Variants in EPB41L4A observed in about 807,000 individuals in gnomAD.
The protein encoded by EPB41L4A is erythrocyte membrane protein band 4.1 like 4A.
A neutral mutation model predicts 108.6 loss-of-function variants in EPB41L4A; 100 were observed. That is an observed-to-expected ratio of 0.92 (90% confidence interval 0.78 to 1.09). EPB41L4A has a LOEUF of 1.09. Among genes scored for constraint, EPB41L4A ranks in the 50% least tolerant of loss-of-function variants. The pLI, the probability that EPB41L4A is intolerant of heterozygous loss-of-function variation, is 0.00. For missense variants in EPB41L4A, 1,030 were observed against 842.7 expected (o/e 1.22, Z -2.75); for synonymous variants, 319 against 289.0 (o/e 1.10, Z -1.05).
chr5:112,209,573 CTGAG>C (rs1388583986), intron 13 of EPB41L4A, among the ~76,000 whole-genome samples: 3 of 152,218 alleles, frequency 2.0e-5, no homozygotes, highest in Non-Finnish European at 4.4e-5. Flanking sequence ...ACAAGTCCCT[CTGAG>C]TTAGTCCATT....
At chr5:112,352,175 C>T (rs1758084432) in intron 1 of EPB41L4A, among the ~76,000 whole-genome samples, 1 of 152,096 alleles carries the variant, frequency 6.6e-6, no homozygotes, top group Admixed American at 6.5e-5. Flanking sequence ...ATTTTGGGTT[C>T]GGTTTGTTCT....
chr5:112,384,242 C>G (rs919934749), intron 1 of EPB41L4A, among the ~76,000 whole-genome samples: 1 of 152,080 alleles, frequency 6.6e-6, no homozygotes, highest in Non-Finnish European at 1.5e-5. Context: ...AGTGGGTAGA[C>G]TGATATGTGA....
chr5:112,364,641 C>G (rs1297135295), intron 1 of EPB41L4A, among the ~76,000 whole-genome samples: 2 of 152,130 alleles, frequency 1.3e-5, no homozygotes, highest in Non-Finnish European at 2.9e-5. Context: ...TCCCTCCTAT[C>G]AAATTAATGT....
Position 112,205,508 on chromosome 5 carries a change from T to C in EPB41L4A, c.1179-4A>G, listed in dbSNP as rs748146473. On this transcript the variant is annotated splice_region_variant and splice_polypyrimidine_tract_variant and intron_variant, in intron 13 of 22. Transcript: ENST00000261486. ...TTCATTCTTTGCTTTCTTAAAGCTT[T>C]AATTTTAAAAAAAAGTATGAGAAAT... 5.7e-6 allele frequency: 9 copies of C among 1,584,616 alleles called. No individual in the cohort carries two copies. Among genetic ancestry groups the C allele is most frequent in the African/African-American group, 2.7e-5 (2 of 73,314 alleles).
intron 16 of EPB41L4A, 51 bp from the exon 17 acceptor site, chr5:112,194,696 C>T (rs368182789): frequency 3.1e-5 from 41 of 1,320,858 alleles, no homozygotes; most frequent in South Asian, 1.6e-4. Flanking sequence ...TTATAACTCA[C>T]GAACAATTTC....
chr5:112,285,748 C>A (rs536088709), intron 2 of EPB41L4A, among the ~76,000 whole-genome samples: 1 of 152,290 alleles, frequency 6.6e-6, no homozygotes, highest in South Asian at 2.1e-4. Flanking sequence ...CATCCATGGA[C>A]CCTGACACCA....
intron 2 of EPB41L4A, among the ~76,000 whole-genome samples, chr5:112,305,501 C>A (rs1318222507): frequency 6.6e-6 from 1 of 152,088 alleles, no homozygotes; most frequent in Non-Finnish European, 1.5e-5. Flanking sequence ...TTTAACCATA[C>A]CCTGTACTAT....
chr5:112,273,058 GT>G (rs891689378), intron 4 of EPB41L4A, among the ~76,000 whole-genome samples: 4 of 152,128 alleles, frequency 2.6e-5, no homozygotes, highest in African/African-American at 7.2e-5. Context: ...GATTTTGCTT[GT>G]TGGTTTCAGT....
chr5:112,393,338 C>T lies in EPB41L4A; in HGVS notation c.99+25603G>A, dbSNP rs543585214. Among the ~76,000 whole-genome samples the T allele has an allele frequency of 4.5e-3, 676 of 151,886 alleles. 12 individuals carry two copies. Among genetic ancestry groups the T allele is most frequent in the African/African-American group, 0.015 (642 of 41,420 alleles). The stretch of plus-strand genomic sequence containing the variant: ...GAAAAGATCAACAAAATTGATAGAC[C>T]GCTAGCAAGACTAATAAAGAAGAAA... On this transcript the variant is annotated intron_variant, in intron 1 of 22. Coordinates refer to ENST00000261486, the MANE Select transcript of EPB41L4A (RefSeq NM_022140.5).
chr5:112,383,260 A>G (rs575749745), intron 1 of EPB41L4A, among the ~76,000 whole-genome samples: 2 of 152,376 alleles, frequency 1.3e-5, no homozygotes, highest in African/African-American at 4.8e-5. Flanking sequence ...GTTTAGCAAA[A>G]TAGAGAAATA....
At chr5:112,364,950 T>C (rs1759031220) in intron 1 of EPB41L4A, among the ~76,000 whole-genome samples, 1 of 152,194 alleles carries the variant, frequency 6.6e-6, no homozygotes, top group African/African-American at 2.4e-5. Flanking sequence ...TATTATTTGA[T>C]GGGGTAAAAT....
intron 1 of EPB41L4A, among the ~76,000 whole-genome samples, chr5:112,398,698 T>G (rs1761540721): frequency 6.6e-6 from 1 of 152,090 alleles, no homozygotes; most frequent in South Asian, 2.1e-4. Context: ...GCCTAGAAGG[T>G]GGGTTTTCTT....
chr5:112,331,875 T>G (rs821735), intron 1 of EPB41L4A, among the ~76,000 whole-genome samples: 136,915 of 152,004 alleles, frequency 0.9, 61,725 homozygotes, highest in South Asian at 0.96. Context: ...GAGGGCGTAT[T>G]AGAACTACCT....
chr5:112,405,392 G>GA (rs1274177980), intron 1 of EPB41L4A, among the ~76,000 whole-genome samples: 1 of 152,194 alleles, frequency 6.6e-6, no homozygotes, highest in African/African-American at 2.4e-5. Flanking sequence ...CAGATCCACA[G>GA]AAATTGTTGA....
chr5:112,298,682 G>A (rs1287292550), intron 2 of EPB41L4A, among the ~76,000 whole-genome samples: 1 of 152,050 alleles, frequency 6.6e-6, no homozygotes, highest in Non-Finnish European at 1.5e-5. Flanking sequence ...ATTTAGGGAG[G>A]ATTTCCTCTT....
At chr5:112,411,699 G>A (rs1456278872) in intron 1 of EPB41L4A, among the ~76,000 whole-genome samples, 1 of 152,042 alleles carries the variant, frequency 6.6e-6, no homozygotes, top group Non-Finnish European at 1.5e-5. Context: ...ATTGAACACA[G>A]GACAGGGAGC....
At position 112,204,652 on chromosome 5, in the gene EPB41L4A, T is replaced by C. The variant is rs545495498; in HGVS notation, c.1263-164A>G. On this transcript the variant is annotated intron_variant, in intron 14 of 22. Coordinates refer to ENST00000261486, the MANE Select transcript of EPB41L4A (RefSeq NM_022140.5). ...ACAAGATTTATTAAAAGAAAAGAGGTAAGATCTGGCAAATCAAATCATAAA... is the reference window on the plus strand; with the variant it reads ...ACAAGATTTATTAAAAGAAAAGAGGCAAGATCTGGCAAATCAAATCATAAA... 6.2e-5 allele frequency: 30 copies of C among 484,452 alleles called. 1 individual carries two copies. The South Asian group carries it at 9.6e-4, about 16-fold the overall frequency. 30.0% of individuals were successfully genotyped at this position (484,452 alleles called of 1,614,324 possible).
At chr5:112,334,051 C>G (rs1756764545) in intron 1 of EPB41L4A, among the ~76,000 whole-genome samples, 1 of 152,126 alleles carries the variant, frequency 6.6e-6, no homozygotes, top group African/African-American at 2.4e-5. Flanking sequence ...GGGGTGAGGG[C>G]AGTCAGACAG....
chr5:112,247,539 G>C (rs1459631165), intron 9 of EPB41L4A, among the ~76,000 whole-genome samples: 1 of 152,122 alleles, frequency 6.6e-6, no homozygotes, highest in East Asian at 1.9e-4. Flanking sequence ...CTGTGACATA[G>C]ACATTTTTAC....
Sources: allele counts gnomAD v4.1 joint callset (sites outside exome capture counted in the v4.1 genomes callset), GRCh38; gene constraint gnomAD v4.1.1; transcripts MANE v1.5; gene names NCBI Gene and HGNC (gene_info 2026-07-23, HGNC 2026-07-21).